ZNF407: variants seen among roughly 807,000 people sequenced by gnomAD.
ZNF407 encodes the protein zinc finger protein 407.
Under a neutral mutation model 131.2 loss-of-function variants are expected in ZNF407, and 17 were observed. The ratio of observed to expected loss-of-function variants is 0.13; its 90% CI spans 0.09 to 0.19. The LOEUF (loss-of-function observed/expected upper bound fraction) is 0.19, where lower values mean the gene tolerates loss of function less well. ZNF407 is among the 10% of genes least tolerant of loss of function. ZNF407 has a pLI of 1.00. For synonymous variants in ZNF407, 1,156 were observed against 1,062.0 expected (o/e 1.09, Z -1.72); for missense variants, 2,681 against 2,830.6 (o/e 0.95, Z 1.20).
intron 8 of ZNF407, among the ~76,000 whole-genome samples, chr18:74,987,940 A>T (rs138697016): frequency 3.7e-4 from 57 of 152,296 alleles, no homozygotes; most frequent in African/African-American, 1.3e-3. Flanking sequence ...GTAGAAATTG[A>T]TGAGCTGCTT....
chr18:74,730,339 T>G (rs998213160), intron 3 of ZNF407, among the ~76,000 whole-genome samples: 1 of 152,194 alleles, frequency 6.6e-6, no homozygotes, highest in Non-Finnish European at 1.5e-5. Context: ...CAGTCAAGAT[T>G]AAAATGCAAG....
At chr18:74,625,124 C>A (rs1983731347) in intron 1 of ZNF407, among the ~76,000 whole-genome samples, 2 of 152,048 alleles carry the variant, frequency 1.3e-5, no homozygotes, top group African/African-American at 4.8e-5. Flanking sequence ...GTTGTTATTT[C>A]TTGATATAGT....
At chr18:74,679,039 G>A (rs915846177) in intron 3 of ZNF407, among the ~76,000 whole-genome samples, 1 of 151,744 alleles carries the variant, frequency 6.6e-6, no homozygotes. Flanking sequence ...GGGTAGAGTA[G>A]GAGATGGGGA....
At chr18:74,961,115 C>T (rs1234716860) in intron 8 of ZNF407, among the ~76,000 whole-genome samples, 1 of 152,180 alleles carries the variant, frequency 6.6e-6, no homozygotes. Context: ...GGAGAAGGTG[C>T]TGCTTTCCCA....
At chr18:74,885,803 A>T (rs1971301469) in intron 6 of ZNF407, among the ~76,000 whole-genome samples, 1 of 152,250 alleles carries the variant, frequency 6.6e-6, no homozygotes, top group South Asian at 2.1e-4. Context: ...TGTACCGTAT[A>T]CAAAAATTAA....
chr18:74,630,880 A>G, intron 1 of ZNF407, 87 bp from the exon 2 acceptor site: 4 of 1,027,790 alleles, frequency 3.9e-6, no homozygotes, highest in Middle Eastern at 2.2e-4. Flanking sequence ...CATTGGGGCT[A>G]ACTTCATGAT....
intron 8 of ZNF407, among the ~76,000 whole-genome samples, chr18:74,942,782 G>A (rs951451327): frequency 3.3e-5 from 5 of 152,086 alleles, no homozygotes; most frequent in African/African-American, 1.2e-4. Context: ...ACTCAGTAAC[G>A]TACTTGGCTG....
chr18:74,839,185 T>A (rs934390721), intron 4 of ZNF407, among the ~76,000 whole-genome samples: 1 of 152,218 alleles, frequency 6.6e-6, no homozygotes, highest in Non-Finnish European at 1.5e-5. Context: ...ATAATTTCAT[T>A]GGTGCACATC....
At chr18:75,008,578 T>A (rs1972938364) in intron 8 of ZNF407, among the ~76,000 whole-genome samples, 1 of 152,266 alleles carries the variant, frequency 6.6e-6, no homozygotes. Context: ...AAAGCTCTAA[T>A]GATTACTAGT....
At chr18:74,619,586 G>A (rs1983436491) in intron 1 of ZNF407, among the ~76,000 whole-genome samples, 1 of 152,070 alleles carries the variant, frequency 6.6e-6, no homozygotes, top group African/African-American at 2.4e-5. Context: ...GGGTCTAATG[G>A]AAAACTTAAT....
intron 8 of ZNF407, among the ~76,000 whole-genome samples, chr18:74,962,886 A>AAATG (rs1972363684): frequency 6.6e-6 from 1 of 152,246 alleles, no homozygotes; most frequent in East Asian, 1.9e-4. Context: ...AAGAATTAAC[A>AAATG]AATGAATGAA....
At chr18:75,015,514 A>T (rs957718867) in intron 8 of ZNF407, among the ~76,000 whole-genome samples, 115 of 148,040 alleles carry the variant, frequency 7.8e-4, no homozygotes, top group African/African-American at 2.7e-3. Context: ...TATATATATA[A>T]TATATATGTT....
chr18:74,845,746 G>C (rs1970693914), intron 4 of ZNF407, among the ~76,000 whole-genome samples: 1 of 152,202 alleles, frequency 6.6e-6, no homozygotes, highest in South Asian at 2.1e-4. Context: ...CTTCCAGAAG[G>C]TGTTATCTTG....
At chr18:74,953,137 C>T (rs138052387) in intron 8 of ZNF407, among the ~76,000 whole-genome samples, 5 of 152,062 alleles carry the variant, frequency 3.3e-5, no homozygotes, top group East Asian at 1.9e-4. Context: ...GAAAGGACTG[C>T]GTGGAAATGA....
intron 1 of ZNF407, among the ~76,000 whole-genome samples, chr18:74,619,469 A>G (rs1983433425): frequency 6.6e-6 from 1 of 152,184 alleles, no homozygotes; most frequent in Admixed American, 6.5e-5. Flanking sequence ...TATATGCTTT[A>G]TCCTCTTGCC....
At chr18:75,055,408 C>G (rs1230313966) in intron 8 of ZNF407, among the ~76,000 whole-genome samples, 1 of 152,206 alleles carries the variant, frequency 6.6e-6, no homozygotes, top group Non-Finnish European at 1.5e-5. Flanking sequence ...TCTGCCCTTC[C>G]TCTCCACCCC....
chr18:74,647,024 G>A (rs1985002718), intron 3 of ZNF407, among the ~76,000 whole-genome samples: 1 of 152,170 alleles, frequency 6.6e-6, no homozygotes, highest in Admixed American at 6.5e-5. Flanking sequence ...TCTTGGTGTA[G>A]TAGTTGAAAA....
Position 74,831,240 on chromosome 18 carries a change from G to A in ZNF407, c.4878-45957G>A, listed in dbSNP as rs74564575. On this transcript the variant is annotated intron_variant, in intron 4 of 8. Coordinates refer to ENST00000299687, the MANE Select transcript of ZNF407 (RefSeq NM_017757.3). ...GAACAGCATGGCAGTAAACATAGGA[G>A]TACAGGCATTTCTATGATACACTGG... Among the ~76,000 whole-genome samples, 648 of 152,322 alleles carry A rather than the reference G, an allele frequency of 4.3e-3. 22 individuals are homozygous for A. The East Asian group carries it at 0.073, about 17-fold the overall frequency.
chr18:74,963,427 G>C (rs12457846), intron 8 of ZNF407, among the ~76,000 whole-genome samples: 29,247 of 152,062 alleles, frequency 0.19, 3,389 homozygotes, highest in African/African-American at 0.29. Flanking sequence ...TATTTTCAGA[G>C]CATCATGTTA....
Sources: allele counts gnomAD v4.1 joint callset (sites outside exome capture counted in the v4.1 genomes callset), GRCh38; gene constraint gnomAD v4.1.1; transcripts MANE v1.5; gene names NCBI Gene and HGNC (gene_info 2026-07-23, HGNC 2026-07-21).